The following LRRC7 variants were observed in gnomAD, a reference collection of about 807,000 sequenced individuals.
The protein encoded by LRRC7 is leucine-rich repeat-containing protein 7.
A neutral mutation model predicts 175.7 loss-of-function variants in LRRC7; 23 were observed. That is an observed-to-expected ratio of 0.13 (90% CI 0.09 to 0.19). LRRC7 has a LOEUF of 0.19. Among genes scored for constraint, LRRC7 ranks in the 10% least tolerant of loss-of-function variants. The probability of loss-of-function intolerance (pLI) is 1.00; values close to 1 mark genes in which losing one functional copy is unlikely to be tolerated. For missense variants in LRRC7, 1,354 were observed against 1,904.7 expected, an observed-to-expected ratio of 0.71 and a Z score of 5.38; for synonymous variants, 685 against 680.9, an observed-to-expected ratio of 1.01 and a Z score of -0.09.
intron 18 of LRRC7, among the ~76,000 whole-genome samples, chr1:70,035,817 T>C (rs892100825): frequency 8.6e-5 from 13 of 152,020 alleles, no homozygotes; most frequent in Non-Finnish European, 1.9e-4. Context: ...AACTAGATTA[T>C]AAACTCCCAG....
At chr1:69,713,154 A>G (rs1664968715) in intron 2 of LRRC7, among the ~76,000 whole-genome samples, 1 of 152,116 alleles carries the variant, frequency 6.6e-6, no homozygotes, top group South Asian at 2.1e-4. Flanking sequence ...ATAATAACAA[A>G]TACCCTTCTT....
intron 8 of LRRC7, among the ~76,000 whole-genome samples, chr1:69,935,065 A>G (rs1399144560): frequency 6.6e-6 from 1 of 152,176 alleles, no homozygotes; most frequent in East Asian, 1.9e-4. Flanking sequence ...AGTAGTCTAT[A>G]TGTGGTTTAG....
intron 1 of LRRC7, among the ~76,000 whole-genome samples, chr1:69,608,864 CTCTATATATATATATATA>C (rs1274559495): frequency 4.6e-5 from 1 of 21,614 alleles, no homozygotes; most frequent in African/African-American, 2.4e-4. Context: ...CTCTCTCTCT[CTCTATATATATATATATA>C]TATATATATA....
At chr1:70,042,931 C>G (rs1660034912) in intron 21 of LRRC7, among the ~76,000 whole-genome samples, 2 of 151,986 alleles carry the variant, frequency 1.3e-5, no homozygotes, top group Non-Finnish European at 2.9e-5. Flanking sequence ...AATAGAATAG[C>G]TACCTGCTGC....
intron 25 of LRRC7, among the ~76,000 whole-genome samples, chr1:70,102,141 C>T (rs964498748): frequency 6.6e-6 from 1 of 152,134 alleles, no homozygotes; most frequent in African/African-American, 2.4e-5. Flanking sequence ...GGTTGATACT[C>T]CTGACTTGGA....
intron 7 of LRRC7, among the ~76,000 whole-genome samples, chr1:69,903,849 A>G (rs1646213833): frequency 1.3e-5 from 2 of 152,182 alleles, no homozygotes; most frequent in South Asian, 2.1e-4. Context: ...AGAAATACAA[A>G]CTACCATCAG....
chr1:69,717,879 AG>A, intron 2 of LRRC7, among the ~76,000 whole-genome samples: 2 of 139,160 alleles, frequency 1.4e-5, no homozygotes, highest in African/African-American at 2.7e-5. Flanking sequence ...AGAAAGAAAG[AG>A]AGAAAAAGAG....
At chr1:70,033,530 G>A (rs1658991116) in intron 18 of LRRC7, among the ~76,000 whole-genome samples, 1 of 152,020 alleles carries the variant, frequency 6.6e-6, no homozygotes, top group Non-Finnish European at 1.5e-5. Flanking sequence ...CATCATTCTT[G>A]TTTCAATAAT....
At chr1:69,966,654 G>A (rs1354328229) in intron 8 of LRRC7, among the ~76,000 whole-genome samples, 1 of 152,240 alleles carries the variant, frequency 6.6e-6, no homozygotes, top group Non-Finnish European at 1.5e-5. Context: ...AATACTGTGA[G>A]TGCCCAAACC....
intron 4 of LRRC7, among the ~76,000 whole-genome samples, chr1:69,820,803 A>G (rs1679201745): frequency 6.6e-6 from 1 of 152,136 alleles, no homozygotes; most frequent in Non-Finnish European, 1.5e-5. Flanking sequence ...GCTATTGCGA[A>G]CAGTGCTGCA....
In LRRC7 at chr1:70,130,539, A is replaced by C. The variant is rs1666620771; in HGVS notation, c.*8652A>C. On this transcript the variant is annotated 3_prime_UTR_variant, in exon 27 of 27. Transcript: ENST00000651989. Reference sequence around the variant, plus strand: ...CCTCCTCTCTTCAGCATTTTTTCTAAGACATTTTTGGTCTTTTCTGCTGTG... The same window carrying C: ...CCTCCTCTCTTCAGCATTTTTTCTACGACATTTTTGGTCTTTTCTGCTGTG... 6.6e-6 allele frequency among the ~76,000 whole-genome samples: 1 copy of C among 152,156 alleles called. No homozygotes were observed. The highest frequency in any genetic ancestry group is 2.1e-4 in the South Asian group (1 of 4,832).
At chr1:69,597,116 C>T (rs1646874363) in intron 1 of LRRC7, among the ~76,000 whole-genome samples, 1 of 152,128 alleles carries the variant, frequency 6.6e-6, no homozygotes, top group South Asian at 2.1e-4. Flanking sequence ...CAAATGAATG[C>T]TCAAATAAAA....
chr1:69,679,962 C>T (rs971020943), intron 2 of LRRC7, among the ~76,000 whole-genome samples: 1 of 152,016 alleles, frequency 6.6e-6, no homozygotes, highest in African/African-American at 2.4e-5. Context: ...ATATTATGCA[C>T]AACTGATTTT....
At chr1:69,978,942 A>G (rs1006509369) in intron 8 of LRRC7, among the ~76,000 whole-genome samples, 2 of 151,860 alleles carry the variant, frequency 1.3e-5, no homozygotes, top group Non-Finnish European at 2.9e-5. Context: ...GAAAAAAAAA[A>G]AAAAAAAAAC....
intron 1 of LRRC7, among the ~76,000 whole-genome samples, chr1:69,655,592 C>T (rs967683608): frequency 1.3e-5 from 2 of 151,972 alleles, no homozygotes; most frequent in African/African-American, 2.4e-5. Context: ...CACATCGCCA[C>T]TCATAGTCAC....
chr1:69,726,232 G>A (rs970129100), intron 2 of LRRC7, among the ~76,000 whole-genome samples: 1 of 152,156 alleles, frequency 6.6e-6, no homozygotes, highest in African/African-American at 2.4e-5. Flanking sequence ...AACCATTGCA[G>A]TCTATTTCTA....
chr1:69,600,570 A>G lies in LRRC7; in HGVS notation c.2+31929A>G, dbSNP rs573151552. On this transcript the variant is annotated intron_variant, in intron 1 of 26. Transcript: ENST00000651989. ...ATGGACTCATTGATGTTGACTTTAT[A>G]TTTTGAGTTATAATCCAATACTACT... Among the ~76,000 whole-genome samples the G allele has an allele frequency of 2.6e-5, 4 of 152,216 alleles. No homozygotes were observed. The South Asian group carries it at 8.3e-4, about 32-fold the overall frequency.
intron 8 of LRRC7, among the ~76,000 whole-genome samples, chr1:69,938,844 CT>C (rs917873704): frequency 6.6e-5 from 10 of 151,594 alleles, no homozygotes; most frequent in African/African-American, 2.4e-4. Flanking sequence ...ATAATTTATT[CT>C]TCAAGTTGTA....
chr1:69,910,950 A>C (rs1337191844), intron 7 of LRRC7, among the ~76,000 whole-genome samples: 2 of 152,082 alleles, frequency 1.3e-5, no homozygotes, highest in East Asian at 3.9e-4. Context: ...TTGATCTCAG[A>C]CTGCTATGCC....
Sources: allele counts gnomAD v4.1 joint callset (sites outside exome capture counted in the v4.1 genomes callset), GRCh38; gene constraint gnomAD v4.1.1; transcripts MANE v1.5; gene names NCBI Gene and HGNC (gene_info 2026-07-23, HGNC 2026-07-21).